Variants in CA10 observed in about 807,000 individuals in gnomAD.
The protein encoded by CA10 is carbonic anhydrase 10 (inactive).
A neutral mutation model predicts 44.2 loss-of-function variants in CA10; 14 were observed. The ratio of observed to expected loss-of-function variants is 0.32; its 90% CI spans 0.21 to 0.50. The LOEUF is 0.50. Among genes scored for constraint, CA10 ranks in the 20% least tolerant of loss-of-function variants. CA10 has a pLI of 0.99. For missense variants in CA10, 350 were observed against 409.7 expected, an observed-to-expected ratio of 0.85 and a Z score of 1.26; for synonymous variants, 159 against 141.6, an observed-to-expected ratio of 1.12 and a Z score of -0.87.
At chr17:52,119,430 C>T (rs1424238463) in intron 1 of CA10, among the ~76,000 whole-genome samples, 1 of 152,288 alleles carries the variant, frequency 6.6e-6, no homozygotes, top group African/African-American at 2.4e-5. Flanking sequence ...TGGCCTCACA[C>T]CTTGTATTCA....
chr17:51,919,388 G>A (rs916612342), intron 3 of CA10, among the ~76,000 whole-genome samples: 2 of 152,136 alleles, frequency 1.3e-5, no homozygotes, highest in African/African-American at 4.8e-5. Flanking sequence ...GCTTATCTTG[G>A]GTGTGTGTGA....
At chr17:51,949,696 T>C (rs1983412391) in intron 2 of CA10, among the ~76,000 whole-genome samples, 1 of 152,038 alleles carries the variant, frequency 6.6e-6, no homozygotes, top group Non-Finnish European at 1.5e-5. Flanking sequence ...GAGGGGAGTA[T>C]GATGTATGGA....
chr17:51,706,803 A>G (rs976852838), intron 4 of CA10, among the ~76,000 whole-genome samples: 1 of 151,848 alleles, frequency 6.6e-6, no homozygotes, highest in Non-Finnish European at 1.5e-5. Flanking sequence ...CACCAGGCAC[A>G]CTCCTGCCTG....
At chr17:52,156,599 G>C in intron 1 of CA10, among the ~76,000 whole-genome samples, 1 of 152,190 alleles carries the variant, frequency 6.6e-6, no homozygotes, top group East Asian at 1.9e-4. Context: ...TGGCTTAAAG[G>C]GAGGGGATTG....
At chr17:51,701,022 G>A (rs1222110176) in intron 4 of CA10, among the ~76,000 whole-genome samples, 1 of 152,104 alleles carries the variant, frequency 6.6e-6, no homozygotes, top group Non-Finnish European at 1.5e-5. Flanking sequence ...AAATCACCAT[G>A]GCACACGTAT....
chr17:51,688,294 C>T (rs1319127928), intron 4 of CA10, among the ~76,000 whole-genome samples: 10 of 152,204 alleles, frequency 6.6e-5, no homozygotes, highest in Non-Finnish European at 1.5e-4. Flanking sequence ...TAAGCCACTC[C>T]CAGATTCCTG....
intron 4 of CA10, among the ~76,000 whole-genome samples, chr17:51,713,610 G>T (rs1034784061): frequency 6.6e-5 from 10 of 152,188 alleles, no homozygotes; most frequent in Admixed American, 6.5e-5. Context: ...TAGAGTGTGG[G>T]TACAGGCATC....
chr17:51,979,713 G>A (rs947549302), intron 2 of CA10, among the ~76,000 whole-genome samples: 18 of 152,090 alleles, frequency 1.2e-4, no homozygotes, highest in African/African-American at 3.9e-4. Flanking sequence ...AAATAACTGA[G>A]AATGGACGGC....
chr17:51,644,634 C>T (rs1913242539), intron 6 of CA10, among the ~76,000 whole-genome samples: 1 of 152,048 alleles, frequency 6.6e-6, no homozygotes, highest in Admixed American at 6.6e-5. Context: ...TTCTGATTTC[C>T]TTCCCACCCA....
At chr17:52,058,211 A>G (rs1427212304) in intron 2 of CA10, among the ~76,000 whole-genome samples, 1 of 152,132 alleles carries the variant, frequency 6.6e-6, no homozygotes, top group East Asian at 1.9e-4. Context: ...AGGATCAGGA[A>G]CTCAGTAATG....
At chr17:51,675,920 A>G (rs964440123) in intron 4 of CA10, among the ~76,000 whole-genome samples, 1 of 138,038 alleles carries the variant, frequency 7.2e-6, no homozygotes, top group African/African-American at 2.7e-5. Context: ...AGACACTCCC[A>G]TCGGAACACT....
intron 3 of CA10, among the ~76,000 whole-genome samples, chr17:51,916,745 A>G (rs1020476340): frequency 1.3e-5 from 2 of 152,150 alleles, no homozygotes; most frequent in Non-Finnish European, 2.9e-5. Context: ...AGATGAAAGT[A>G]AGAAAAGTCA....
intron 3 of CA10, among the ~76,000 whole-genome samples, chr17:51,787,229 T>G (rs1324048033): frequency 6.6e-6 from 1 of 152,168 alleles, no homozygotes; most frequent in Non-Finnish European, 1.5e-5. Context: ...TTTTTGGAAT[T>G]ATTTGAGTAG....
intron 3 of CA10, among the ~76,000 whole-genome samples, chr17:51,794,690 A>G (rs1258615331): frequency 2.0e-5 from 3 of 152,200 alleles, no homozygotes; most frequent in African/African-American, 4.8e-5. Flanking sequence ...CTGTGTGCAA[A>G]GCACTGGAAT....
chr17:51,954,523 C>G (rs1802367400), intron 2 of CA10, among the ~76,000 whole-genome samples: 1 of 152,078 alleles, frequency 6.6e-6, no homozygotes, highest in Non-Finnish European at 1.5e-5. Context: ...CTAAATAATG[C>G]TCTCTGGTTT....
chr17:52,011,241 GGAT>G (rs10579602), intron 2 of CA10, among the ~76,000 whole-genome samples: 49,891 of 151,430 alleles, frequency 0.33, 9,870 homozygotes, highest in East Asian at 0.73. Context: ...ATTATTATGA[GGAT>G]GATGATGAAA....
chr17:52,076,776 C>T (rs184584867), intron 1 of CA10, among the ~76,000 whole-genome samples: 43 of 152,202 alleles, frequency 2.8e-4, no homozygotes, highest in African/African-American at 8.9e-4. Flanking sequence ...TAACGCCTCC[C>T]ACCAGATCCT....
intron 3 of CA10, among the ~76,000 whole-genome samples, chr17:51,878,893 G>GTGTGTGT (rs1555608413): frequency 3.8e-5 from 2 of 52,362 alleles, no homozygotes; most frequent in African/African-American, 1.3e-4. Flanking sequence ...TATATATATG[G>GTGTGTGT]GTGTGTGTGT....
intron 3 of CA10, among the ~76,000 whole-genome samples, chr17:51,903,768 C>T (rs778928141): frequency 1.3e-5 from 2 of 152,092 alleles, no homozygotes; most frequent in Non-Finnish European, 2.9e-5. Context: ...CTTTCAAGAA[C>T]AAGAGAAGAG....
Sources: allele counts gnomAD v4.1 joint callset (sites outside exome capture counted in the v4.1 genomes callset), GRCh38; gene constraint gnomAD v4.1.1; transcripts MANE v1.5; gene names NCBI Gene and HGNC (gene_info 2026-07-23, HGNC 2026-07-21).